CAMK1D: variants seen among roughly 807,000 people sequenced by gnomAD.
CAMK1D encodes the protein calcium/calmodulin dependent protein kinase ID.
A neutral mutation model predicts 47.7 loss-of-function variants in CAMK1D; 9 were observed. That is an observed-to-expected ratio of 0.19 (90% CI 0.11 to 0.33). The LOEUF is 0.33. Among genes scored for constraint, CAMK1D ranks in the 10% least tolerant of loss-of-function variants. The pLI is 1.00. For missense variants in CAMK1D, 291 were observed against 488.7 expected (o/e 0.60, Z 3.81); for synonymous variants, 184 against 184.9 (o/e 0.99, Z 0.04).
intron 2 of CAMK1D, among the ~76,000 whole-genome samples, chr10:12,640,816 G>A (rs190179393): frequency 6.6e-6 from 1 of 151,056 alleles, no homozygotes; most frequent in African/African-American, 2.5e-5. Flanking sequence ...AACATGATTG[G>A]TTTTTTTCAG....
chr10:12,665,353 C>G (rs1384986189), intron 2 of CAMK1D, among the ~76,000 whole-genome samples: 1 of 152,196 alleles, frequency 6.6e-6, no homozygotes, highest in African/African-American at 2.4e-5. Context: ...AAACTTCTTT[C>G]GCGGGGAAGA....
At chr10:12,438,446 A>G (rs111795524) in intron 1 of CAMK1D, among the ~76,000 whole-genome samples, 53 of 152,314 alleles carry the variant, frequency 3.5e-4, no homozygotes, top group African/African-American at 1.2e-3. Context: ...ACATTCATTC[A>G]GTTTCTTTCT....
intron 3 of CAMK1D, among the ~76,000 whole-genome samples, chr10:12,671,958 C>T (rs1840633834): frequency 6.7e-6 from 1 of 148,160 alleles, no homozygotes. Flanking sequence ...GTCTGTCGCC[C>T]AGGCTGGAGT....
intron 1 of CAMK1D, among the ~76,000 whole-genome samples, chr10:12,498,051 T>C (rs1294407622): frequency 6.6e-6 from 1 of 152,192 alleles, no homozygotes; most frequent in Non-Finnish European, 1.5e-5. Context: ...TTATTCATTA[T>C]CATGAGAACA....
chr10:12,725,715 G>A (rs1425686369), intron 3 of CAMK1D, among the ~76,000 whole-genome samples: 2 of 152,134 alleles, frequency 1.3e-5, no homozygotes, highest in Non-Finnish European at 2.9e-5. Context: ...TTCCAAAACT[G>A]GTCATGTTCG....
At chr10:12,515,507 C>T (rs111606301) in intron 1 of CAMK1D, among the ~76,000 whole-genome samples, 17,334 of 120,450 alleles carry the variant, frequency 0.14, 1,469 homozygotes, top group Non-Finnish European at 0.18. Context: ...CATGCTGGTG[C>T]GCTGCACCCA....
intron 1 of CAMK1D, among the ~76,000 whole-genome samples, chr10:12,544,452 G>C (rs1836294264): frequency 6.6e-6 from 1 of 152,124 alleles, no homozygotes; most frequent in Admixed American, 6.5e-5. Flanking sequence ...GGTTTATAGG[G>C]AGAAAATATC....
chr10:12,404,329 G>A (rs1288319798), intron 1 of CAMK1D, among the ~76,000 whole-genome samples: 1 of 152,246 alleles, frequency 6.6e-6, no homozygotes, highest in Non-Finnish European at 1.5e-5. Context: ...ACAGGCGTGA[G>A]CCCCTGCGCC....
chr10:12,635,255 T>A (rs1839482367), intron 2 of CAMK1D, among the ~76,000 whole-genome samples: 1 of 152,086 alleles, frequency 6.6e-6, no homozygotes, highest in Non-Finnish European at 1.5e-5. Context: ...CGGAATCCGG[T>A]TGTGTTGGAT....
intron 2 of CAMK1D, among the ~76,000 whole-genome samples, chr10:12,555,003 T>C (rs910025266): frequency 7.2e-5 from 11 of 152,378 alleles, no homozygotes; most frequent in South Asian, 2.1e-4. Flanking sequence ...TTTGCATGTT[T>C]GGAGTGTGTC....
intron 3 of CAMK1D, among the ~76,000 whole-genome samples, chr10:12,682,752 G>C (rs1294680181): frequency 6.6e-6 from 1 of 151,914 alleles, no homozygotes; most frequent in Admixed American, 6.6e-5. Flanking sequence ...TCCCAGATAC[G>C]GGTTTAGAAA....
At chr10:12,760,382 C>T (rs960939351) in intron 3 of CAMK1D, among the ~76,000 whole-genome samples, 3 of 152,078 alleles carry the variant, frequency 2.0e-5, no homozygotes, top group East Asian at 3.8e-4. Flanking sequence ...CTGATCATTC[C>T]GAAGGCATGC....
At chr10:12,516,832 C>T (rs1052777884) in intron 1 of CAMK1D, among the ~76,000 whole-genome samples, 2 of 152,168 alleles carry the variant, frequency 1.3e-5, no homozygotes, top group Admixed American at 6.5e-5. Flanking sequence ...TTAAAAACCA[C>T]GTTGTTTTTC....
intron 2 of CAMK1D, among the ~76,000 whole-genome samples, chr10:12,652,584 T>C (rs1368280906): frequency 2.0e-5 from 3 of 151,130 alleles, no homozygotes; most frequent in Non-Finnish European, 2.9e-5. Context: ...CGAGACTCCA[T>C]CTCGAAAAAA....
At chr10:12,647,170 A>T (rs1342469983) in intron 2 of CAMK1D, among the ~76,000 whole-genome samples, 7 of 74,116 alleles carry the variant, frequency 9.4e-5, no homozygotes, top group Admixed American at 2.9e-4. Flanking sequence ...TTTTTTTTGA[A>T]ATGGAGTCTC....
intron 1 of CAMK1D, among the ~76,000 whole-genome samples, chr10:12,391,823 A>G (rs1241703231): frequency 6.6e-6 from 1 of 152,230 alleles, no homozygotes; most frequent in African/African-American, 2.4e-5. Context: ...TTTCTCCCTC[A>G]GAACAATCTG....
intron 6 of CAMK1D, among the ~76,000 whole-genome samples, chr10:12,801,411 TCATTC>T (rs1838471679): frequency 7.0e-6 from 1 of 143,308 alleles, no homozygotes; most frequent in Non-Finnish European, 1.5e-5. Context: ...TCTGTCCATC[TCATTC>T]ATCAACCCAT....
intron 6 of CAMK1D, among the ~76,000 whole-genome samples, chr10:12,800,734 G>A (rs1838390191): frequency 6.6e-6 from 1 of 152,170 alleles, no homozygotes; most frequent in African/African-American, 2.4e-5. Flanking sequence ...AGCTTGAGCT[G>A]TTCTAGAATT....
chr10:12,458,149 A>G (rs12769877), intron 1 of CAMK1D, among the ~76,000 whole-genome samples: 19,627 of 152,254 alleles, frequency 0.13, 1,577 homozygotes, highest in Non-Finnish European at 0.19. Flanking sequence ...TCAATCTGCA[A>G]ATGCATACCG....
Sources: allele counts gnomAD v4.1 joint callset (sites outside exome capture counted in the v4.1 genomes callset), GRCh38; gene constraint gnomAD v4.1.1; transcripts MANE v1.5; gene names NCBI Gene and HGNC (gene_info 2026-07-23, HGNC 2026-07-21).